The following AP1G1 variants were observed in gnomAD, a reference collection of about 807,000 sequenced individuals.
AP1G1 encodes the protein AP-1 complex subunit gamma-1.
In AP1G1, 7 loss-of-function variants were observed where a neutral mutation model predicts 108.3. The ratio of observed to expected loss-of-function variants is 0.06; its 90% CI spans 0.04 to 0.12. The LOEUF is 0.12. Among genes scored for constraint, AP1G1 ranks in the 10% least tolerant of loss-of-function variants. AP1G1 has a pLI of 1.00. For synonymous variants in AP1G1, 379 were observed against 353.5 expected, an observed-to-expected ratio of 1.07 and a Z score of -0.81; for missense variants, 756 against 1,010.7, an observed-to-expected ratio of 0.75 and a Z score of 3.42.
intron 2 of AP1G1, among the ~76,000 whole-genome samples, chr16:71,781,697 T>C (rs1024116572): frequency 2.0e-5 from 3 of 152,222 alleles, no homozygotes; most frequent in South Asian, 2.1e-4. Flanking sequence ...CACTGCTACA[T>C]AGTATCCCAC....
intron 2 of AP1G1, among the ~76,000 whole-genome samples, chr16:71,780,472 C>G (rs1213713663): frequency 7.5e-6 from 1 of 133,670 alleles, no homozygotes; most frequent in Admixed American, 8.1e-5. Flanking sequence ...GCCTGAGTGA[C>G]AGAGTAAGAT....
At chr16:71,801,922 C>CAAAAAA (rs901972267) in intron 1 of AP1G1, among the ~76,000 whole-genome samples, 12 of 63,658 alleles carry the variant, frequency 1.9e-4, no homozygotes, top group South Asian at 5.1e-4. Flanking sequence ...ACTCCGTAAC[C>CAAAAAA]AAAAAAAAAA....
intron 2 of AP1G1, among the ~76,000 whole-genome samples, chr16:71,788,399 G>T (rs1189546838): frequency 6.6e-6 from 1 of 152,024 alleles, no homozygotes; most frequent in Non-Finnish European, 1.5e-5. Context: ...ATATAAACAT[G>T]CAAAGAAGAA....
intron 11 of AP1G1, among the ~76,000 whole-genome samples, chr16:71,757,433 A>C (rs1374138835): frequency 6.6e-6 from 1 of 151,366 alleles, no homozygotes; most frequent in African/African-American, 2.4e-5. Flanking sequence ...CCTGAGCGAC[A>C]CAAGACTCCG....
At chr16:71,754,331 AAAG>A (rs974435991) in intron 12 of AP1G1, among the ~76,000 whole-genome samples, 42 of 142,226 alleles carry the variant, frequency 3.0e-4, no homozygotes, top group African/African-American at 9.9e-4. Flanking sequence ...GAGAGAAAGA[AAAG>A]AAAGAAAAAG....
chr16:71,773,452 T>C, intron 3 of AP1G1, 90 bp from the exon 4 acceptor site: 1 of 1,276,270 alleles, frequency 7.8e-7, no homozygotes, highest in Non-Finnish European at 1.0e-6. Context: ...TGACTCAAGA[T>C]TTCTCCAATA....
chr16:71,786,131 GTT>G (rs2032195461), intron 2 of AP1G1, among the ~76,000 whole-genome samples: 1 of 152,070 alleles, frequency 6.6e-6, no homozygotes, highest in Non-Finnish European at 1.5e-5. Flanking sequence ...TTTTAGCACA[GTT>G]TTCTCGAGCA....
intron 19 of AP1G1, 85 bp downstream of exon 19, chr16:71,745,059 C>T (rs568761471): frequency 1.1e-4 from 156 of 1,468,534 alleles, no homozygotes; most frequent in Non-Finnish European, 1.1e-4. Flanking sequence ...AAATGATTCA[C>T]GTGCTGGAAA....
intron 2 of AP1G1, among the ~76,000 whole-genome samples, chr16:71,785,247 C>T (rs748460864): frequency 6.6e-6 from 1 of 151,952 alleles, no homozygotes; most frequent in Non-Finnish European, 1.5e-5. Context: ...AAAGTAGACT[C>T]ACATACCCAA....
chr16:71,739,734 G>A (rs1171430317), intron 19 of AP1G1, among the ~76,000 whole-genome samples: 1 of 147,192 alleles, frequency 6.8e-6, no homozygotes, highest in Non-Finnish European at 1.5e-5. Context: ...GGGACAGAGC[G>A]AGACTCTGTC....
chr16:71,752,185 CA>C (rs971949594), intron 13 of AP1G1, among the ~76,000 whole-genome samples: 2 of 149,548 alleles, frequency 1.3e-5, no homozygotes, highest in African/African-American at 2.5e-5. Flanking sequence ...ATCAGGGGCA[CA>C]AAAAAAAAGC....
Position 71,769,639 on chromosome 16 carries a change from A to C in AP1G1, c.626T>G (p.Leu209Arg). ...GGCACCTACCTTTCTGAAATGCGCAAGCATGTCTGGGCTTCGCTCACACAT... is the reference window on the plus strand; with the variant it reads ...GGCACCTACCTTTCTGAAATGCGCACGCATGTCTGGGCTTCGCTCACACAT... ...TEMCERSPDM[L>R]AHFRKLVPQL... The change falls in exon 6 of 23, where the codon CTT becomes CGT. Residue 209 changes from leucine (L) to arginine (R), a missense_variant. Coordinates refer to ENST00000299980, the MANE Select transcript of AP1G1 (RefSeq NM_001128.6). The C allele has an allele frequency of 1.2e-6, 2 of 1,613,538 alleles. No individual in the cohort carries two copies. The highest frequency in any genetic ancestry group is 1.7e-6 in the Non-Finnish European group (2 of 1,179,566).
intron 21 of AP1G1, among the ~76,000 whole-genome samples, chr16:71,738,121 C>T (rs2045572539): frequency 6.6e-6 from 1 of 152,210 alleles, no homozygotes; most frequent in Non-Finnish European, 1.5e-5. Context: ...AATCTGAGCT[C>T]ACTGCATCCT....
chr16:71,761,913 A>C (rs2031106976), intron 9 of AP1G1, among the ~76,000 whole-genome samples: 1 of 151,956 alleles, frequency 6.6e-6, no homozygotes, highest in South Asian at 2.1e-4. Context: ...TAATGCTTTG[A>C]CAGTGTTTTG....
chr16:71,792,126 G>A (rs566561511), intron 1 of AP1G1, among the ~76,000 whole-genome samples: 6 of 152,116 alleles, frequency 3.9e-5, no homozygotes, highest in Admixed American at 2.6e-4. Flanking sequence ...AGTCATTTTC[G>A]GAGTCAATAA....
At chr16:71,750,414 T>A in intron 13 of AP1G1, 82 bp from the exon 14 acceptor site, 6 of 1,536,472 alleles carry the variant, frequency 3.9e-6, no homozygotes, top group Non-Finnish European at 5.3e-6. Flanking sequence ...TTACTGTGTG[T>A]TTTTTCCTTT....
chr16:71,768,270 G>A (rs945417570), intron 6 of AP1G1, among the ~76,000 whole-genome samples: 2 of 151,334 alleles, frequency 1.3e-5, no homozygotes, highest in Non-Finnish European at 2.9e-5. Flanking sequence ...GGCTGAGGCG[G>A]GTGGATCACC....
chr16:71,736,704 G>A (rs959484844), intron 21 of AP1G1, among the ~76,000 whole-genome samples: 5 of 150,364 alleles, frequency 3.3e-5, no homozygotes, highest in Admixed American at 6.6e-5. Flanking sequence ...TCCCGCCTCA[G>A]CCTCCCAAGT....
intron 9 of AP1G1, among the ~76,000 whole-genome samples, chr16:71,761,776 C>T (rs557680120): frequency 1.8e-4 from 25 of 137,636 alleles, no homozygotes; most frequent in Non-Finnish European, 3.6e-4. Flanking sequence ...AAGATCATAC[C>T]ACTGTATTCC....
Sources: gnomAD v4.1 joint callset for allele counts (sites outside exome capture counted in the v4.1 genomes callset) on GRCh38, gnomAD v4.1.1 for gene constraint, MANE v1.5 for transcripts, NCBI Gene and HGNC (gene_info 2026-07-23, HGNC 2026-07-21) for gene names.